BIN3: variants seen among roughly 807,000 people sequenced by gnomAD.
BIN3 encodes the protein bridging integrator 3.
A neutral mutation model predicts 38.2 loss-of-function variants in BIN3; 41 were observed. The ratio of observed to expected loss-of-function variants is 1.07; its 90% confidence interval spans 0.84 to 1.39. The LOEUF (loss-of-function observed/expected upper bound fraction) is 1.39. Ranked by LOEUF, BIN3 falls within the 40% of genes most tolerant of loss-of-function variation. BIN3 has a pLI of 0.00. For synonymous variants in BIN3, 145 were observed against 122.6 expected (o/e 1.18, Z -1.21); for missense variants, 361 against 324.3 (o/e 1.11, Z -0.87).
At chr8:22,636,637 G>C in intron 3 of BIN3, 51 bp from the exon 4 acceptor site, 1 of 1,537,536 alleles carries the variant, frequency 6.5e-7, no homozygotes, top group Non-Finnish European at 8.8e-7. Context: ...CCCCCTACCT[G>C]AGCGAAGCCC....
chr8:22,657,921 G>A (rs1803106790), intron 1 of BIN3, among the ~76,000 whole-genome samples: 1 of 152,246 alleles, frequency 6.6e-6, no homozygotes, highest in Admixed American at 6.5e-5. Context: ...CCAGGTCACA[G>A]CAGCCCGGGG....
chr8:22,622,886 G>C (rs1308744881), intron 8 of BIN3, among the ~76,000 whole-genome samples: 2 of 152,250 alleles, frequency 1.3e-5, no homozygotes, highest in African/African-American at 4.8e-5. Context: ...AGATGGCACA[G>C]GACCAAGTAC....
intron 1 of BIN3, among the ~76,000 whole-genome samples, chr8:22,668,062 C>T (rs1168924474): frequency 6.6e-6 from 1 of 152,170 alleles, no homozygotes; most frequent in Non-Finnish European, 1.5e-5. Flanking sequence ...TAATCTTGTA[C>T]ATCTCTGGGG....
intron 1 of BIN3, among the ~76,000 whole-genome samples, chr8:22,649,973 T>C (rs936938150): frequency 7.2e-5 from 11 of 152,098 alleles, no homozygotes; most frequent in African/African-American, 2.4e-4. Context: ...AGAAATATCA[T>C]GAATGGTTTT....
chr8:22,656,356 T>A (rs1293681410), intron 1 of BIN3, among the ~76,000 whole-genome samples: 2 of 152,142 alleles, frequency 1.3e-5, no homozygotes, highest in Non-Finnish European at 2.9e-5. Flanking sequence ...TATTTTTGGT[T>A]ATACTGTAAA....
rs115648842 is a variant in BIN3 at position 22,654,202 on chromosome 8, T to C, written c.9-9399A>G. Among the ~76,000 whole-genome samples, 298 of 152,330 alleles carry C rather than the reference T, an allele frequency of 2.0e-3. 3 individuals carry two copies. Among genetic ancestry groups the C allele is most frequent in the African/African-American group, 6.6e-3 (275 of 41,582 alleles). On this transcript the variant is annotated intron_variant, in intron 1 of 8. Coordinates refer to ENST00000276416, the MANE Select transcript of BIN3 (RefSeq NM_018688.6). Reference sequence around the variant, plus strand: ...GCACCCTAATTCCCAAATTTTGTTGTTGATGTCTCTTCTATTCTCCCTGAA... The same window carrying C: ...GCACCCTAATTCCCAAATTTTGTTGCTGATGTCTCTTCTATTCTCCCTGAA...
chr8:22,622,379 G>A (rs1466688010), intron 8 of BIN3, among the ~76,000 whole-genome samples: 1 of 152,216 alleles, frequency 6.6e-6, no homozygotes, highest in Non-Finnish European at 1.5e-5. Flanking sequence ...GGTGGGGCGG[G>A]GACCCACGGC....
intron 4 of BIN3, chr8:22,634,632 C>A (rs1802311539): frequency 4.6e-6 from 2 of 431,080 alleles, no homozygotes; most frequent in Admixed American, 2.5e-5. Context: ...CCTCAAGTCC[C>A]ACCCGTAGGT....
chr8:22,662,318 AGATAC>A (rs1369536329), intron 1 of BIN3, among the ~76,000 whole-genome samples: 1 of 152,174 alleles, frequency 6.6e-6, no homozygotes, highest in African/African-American at 2.4e-5. Context: ...CCTCACCCTC[AGATAC>A]TTGGCATTGT....
rs1802370907 is a variant in BIN3 at position 22,636,509 on chromosome 8, G to A, written c.160+16C>T. The stretch of plus-strand genomic sequence containing the variant: ...CCACCTGCTCAAGCGAGTGGTGCGG[G>A]TGGAAAGTCACCTACCCAGGTCTGC... On this transcript the variant is annotated intron_variant, in intron 4 of 8. Transcript: ENST00000276416. The A allele has an allele frequency of 6.4e-7, 1 of 1,551,778 alleles. No individual in the cohort carries two copies. Among genetic ancestry groups the A allele is most frequent in the South Asian group, 1.2e-5 (1 of 84,080 alleles).
chr8:22,656,060 C>T (rs1803047094), intron 1 of BIN3, among the ~76,000 whole-genome samples: 1 of 152,100 alleles, frequency 6.6e-6, no homozygotes, highest in Admixed American at 6.5e-5. Flanking sequence ...ATTTCACTAG[C>T]TGTGTGCTCT....
At chr8:22,630,377 G>A in intron 5 of BIN3, 65 bp downstream of exon 5, 2 of 1,597,274 alleles carry the variant, frequency 1.3e-6, no homozygotes, top group Non-Finnish European at 1.7e-6. Context: ...TCCCCGCACA[G>A]TCCACCCAGA....
intron 1 of BIN3, 118 bp downstream of exon 1, chr8:22,668,926 G>T (rs534148926): frequency 3.6e-6 from 5 of 1,380,378 alleles, no homozygotes; most frequent in East Asian, 2.5e-5. Flanking sequence ...GTCGGGCCTT[G>T]CTCTGGGGCG....
intron 1 of BIN3, among the ~76,000 whole-genome samples, chr8:22,660,655 G>A (rs1282975673): frequency 6.6e-6 from 1 of 152,184 alleles, no homozygotes; most frequent in Non-Finnish European, 1.5e-5. Context: ...GCTATGGAAA[G>A]TGAGGTCTGC....
rs1364262159 is a variant in BIN3 at position 22,649,847 on chromosome 8, ACACACACACACC to A, written c.9-5056_9-5045del. 7.4e-4 allele frequency among the ~76,000 whole-genome samples: 103 copies of A among 138,648 alleles called. 1 individual carries two copies. Among genetic ancestry groups the A allele is most frequent in the African/African-American group, 2.1e-3 (72 of 34,094 alleles). 91.0% of individuals were successfully genotyped at this position (138,648 alleles called of 152,430 possible). ...CACACACACACACACACACACACAC[ACACACACACACC>A]CCCAAAGGAAAAAATTAACAGTAAT... On this transcript the variant is annotated intron_variant, in intron 1 of 8. Transcript: ENST00000276416.
At chr8:22,668,690 T>C (rs1803508571) in intron 1 of BIN3, among the ~76,000 whole-genome samples, 1 of 152,194 alleles carries the variant, frequency 6.6e-6, no homozygotes, top group Admixed American at 6.5e-5. Flanking sequence ...GGGGCAGAGA[T>C]GCCCACAGGA....
intron 6 of BIN3, among the ~76,000 whole-genome samples, chr8:22,628,662 G>A (rs916615089): frequency 4.6e-5 from 7 of 152,228 alleles, no homozygotes; most frequent in African/African-American, 1.7e-4. Context: ...ACTGAGGTGG[G>A]AGTCAGTTCC....
At chr8:22,658,616 C>T (rs1175820276) in intron 1 of BIN3, among the ~76,000 whole-genome samples, 1 of 152,204 alleles carries the variant, frequency 6.6e-6, no homozygotes, top group African/African-American at 2.4e-5. Context: ...CTGGTCACCC[C>T]AGAACCCTAA....
At chr8:22,628,877 C>G (rs1802090806) in intron 6 of BIN3, among the ~76,000 whole-genome samples, 1 of 152,210 alleles carries the variant, frequency 6.6e-6, no homozygotes, top group Non-Finnish European at 1.5e-5. Flanking sequence ...TCTTTCTGCA[C>G]CCCAGCTCCC....
Sources: gnomAD v4.1 joint callset for allele counts (sites outside exome capture counted in the v4.1 genomes callset) on GRCh38, gnomAD v4.1.1 for gene constraint, MANE v1.5 for transcripts, NCBI Gene and HGNC (gene_info 2026-07-23, HGNC 2026-07-21) for gene names.